DSTN: variants seen among roughly 807,000 people sequenced by gnomAD.
DSTN encodes the protein destrin, actin depolymerizing factor.
Under a neutral mutation model 16.8 loss-of-function variants are expected in DSTN, and 10 were observed. The ratio of observed to expected loss-of-function variants is 0.60; its 90% CI spans 0.37 to 1.01. The LOEUF (loss-of-function observed/expected upper bound fraction) is 1.01. Ranked by LOEUF, DSTN falls within the 50% of genes least tolerant of loss-of-function variation. The pLI, the probability that DSTN is intolerant of heterozygous loss-of-function variation, is 0.01. For synonymous variants in DSTN, 57 were observed against 58.9 expected (o/e 0.97, Z 0.14); for missense variants, 141 against 196.7 (o/e 0.72, Z 1.69).
chr20:17,596,531 A>C (rs1256245950), intron 1 of DSTN: 1 of 658,098 alleles, frequency 1.5e-6, no homozygotes, highest in Middle Eastern at 7.6e-4. Context: ...TCATTCAGCT[A>C]TATTGGTTTG....
At chr20:17,606,758 G>A (rs561951467) in intron 3 of DSTN, among the ~76,000 whole-genome samples, 4 of 152,296 alleles carry the variant, frequency 2.6e-5, no homozygotes, top group East Asian at 1.9e-4. Flanking sequence ...TTCTAACAGC[G>A]TAAGTTAGCG....
intron 3 of DSTN, among the ~76,000 whole-genome samples, chr20:17,605,449 G>A (rs1409917114): frequency 6.6e-6 from 1 of 152,200 alleles, no homozygotes; most frequent in African/African-American, 2.4e-5. Context: ...GGTCACAAGG[G>A]CTTGGCCTGA....
chr20:17,604,328 C>T (rs908391699), intron 2 of DSTN, among the ~76,000 whole-genome samples: 1 of 152,168 alleles, frequency 6.6e-6, no homozygotes, highest in African/African-American at 2.4e-5. Context: ...ACCAGTGGTT[C>T]TCTTCTTTTT....
At chr20:17,605,265 AGG>A (rs2035629510) in intron 3 of DSTN, 1 of 434,836 alleles carries the variant, frequency 2.3e-6, no homozygotes, top group Admixed American at 2.5e-5. Flanking sequence ...GCCTGCACTG[AGG>A]GCGAAGCCTG....
intron 1 of DSTN, among the ~76,000 whole-genome samples, chr20:17,577,216 C>T (rs1028123070): frequency 9.2e-5 from 14 of 152,044 alleles, no homozygotes; most frequent in African/African-American, 2.9e-4. Flanking sequence ...TGCTTGGTAC[C>T]GGAAGGTACT....
intron 3 of DSTN, 121 bp from the exon 4 acceptor site, chr20:17,606,916 G>A (rs549814142): frequency 1.8e-4 from 142 of 808,170 alleles, no homozygotes; most frequent in Non-Finnish European, 2.6e-4. Context: ...GTAGTATTCC[G>A]TGTTTGTATA....
intron 1 of DSTN, among the ~76,000 whole-genome samples, chr20:17,592,919 T>C (rs1170192900): frequency 2.6e-5 from 4 of 152,236 alleles, no homozygotes; most frequent in Admixed American, 2.0e-4. Flanking sequence ...AATTAGCCTT[T>C]TAGCTGGAGT....
intron 1 of DSTN, among the ~76,000 whole-genome samples, chr20:17,572,684 G>A (rs900192875): frequency 6.6e-6 from 1 of 152,138 alleles, no homozygotes; most frequent in Non-Finnish European, 1.5e-5. Flanking sequence ...GAAATAGGTT[G>A]GGCATGTATT....
chr20:17,601,091 A>G, intron 2 of DSTN, 46 bp downstream of exon 2: 2 of 1,527,520 alleles, frequency 1.3e-6, no homozygotes, highest in Non-Finnish European at 1.8e-6. Flanking sequence ...TCATTTTGTT[A>G]GCACTCGGGA....
At position 17,593,928 on chromosome 20, in the gene DSTN, A is replaced by T. The variant is rs76961144; in HGVS notation, c.4-6810A>T. Among the ~76,000 whole-genome samples the T allele has an allele frequency of 5.3e-5, 8 of 151,760 alleles. No homozygotes were observed. The South Asian group carries it at 6.3e-4, about 12-fold the overall frequency. On this transcript the variant is annotated intron_variant, in intron 1 of 3. Coordinates refer to ENST00000246069, the MANE Select transcript of DSTN (RefSeq NM_006870.4). ...ACCTTGTCTCTACAAAAAAAATTTTAAAAATTAGCTGGGCATGGTGGCACG... is the reference window on the plus strand; with the variant it reads ...ACCTTGTCTCTACAAAAAAAATTTTTAAAATTAGCTGGGCATGGTGGCACG...
intron 1 of DSTN, among the ~76,000 whole-genome samples, chr20:17,579,041 T>G (rs2035313784): frequency 6.6e-6 from 1 of 151,392 alleles, no homozygotes; most frequent in African/African-American, 2.4e-5. Flanking sequence ...CATTCAACCC[T>G]TATAGCAGTT....
chr20:17,591,117 C>G (rs541802839), intron 1 of DSTN, among the ~76,000 whole-genome samples: 1 of 152,100 alleles, frequency 6.6e-6, no homozygotes, highest in East Asian at 1.9e-4. Context: ...CCCTTCCCCC[C>G]CAGAAAAACC....
At chr20:17,573,728 ATTATT>A (rs1340425215) in intron 1 of DSTN, among the ~76,000 whole-genome samples, 1 of 152,056 alleles carries the variant, frequency 6.6e-6, no homozygotes, top group East Asian at 1.9e-4. Flanking sequence ...ATGGTTTCTC[ATTATT>A]TTATTTTGCA....
At chr20:17,589,720 G>A (rs2035450084) in intron 1 of DSTN, among the ~76,000 whole-genome samples, 1 of 152,166 alleles carries the variant, frequency 6.6e-6, no homozygotes, top group Non-Finnish European at 1.5e-5. Context: ...GTAGAATCGT[G>A]AACCCAGTTT....
At chr20:17,579,547 C>T (rs958868654) in intron 1 of DSTN, among the ~76,000 whole-genome samples, 3 of 152,164 alleles carry the variant, frequency 2.0e-5, no homozygotes, top group African/African-American at 7.2e-5. Context: ...TGCACCACTG[C>T]ACCTCAGCCT....
At chr20:17,600,602 CAA>C in intron 1 of DSTN, 134 bp from the exon 2 acceptor site, 1 of 1,087,326 alleles carries the variant, frequency 9.2e-7, no homozygotes, top group African/African-American at 1.6e-5. Context: ...GATTACAGCT[CAA>C]ATTTCTAGTT....
Position 17,596,113 on chromosome 20 carries a change from T to C in DSTN, c.4-4625T>C, listed in dbSNP as rs2035523462. ...TTCTCTGAAATACTGCAGAATTGGC[T>C]GTTGATGACTTTCCTCCTCAAAATA... is the stretch of plus-strand genomic sequence containing the variant. On this transcript the variant is annotated intron_variant, in intron 1 of 3. Coordinates refer to ENST00000246069, the MANE Select transcript of DSTN (RefSeq NM_006870.4). Among the ~76,000 whole-genome samples the C allele has an allele frequency of 1.3e-5, 2 of 152,364 alleles. 1 individual carries two copies. Among genetic ancestry groups the C allele is most frequent in the South Asian group, 4.1e-4 (2 of 4,830 alleles).
intron 1 of DSTN, among the ~76,000 whole-genome samples, chr20:17,577,667 TTTAAC>T (rs968753143): frequency 1.3e-5 from 2 of 152,196 alleles, no homozygotes; most frequent in African/African-American, 4.8e-5. Context: ...TGTATATACT[TTTAAC>T]TTTTCTAGTA....
intron 3 of DSTN, 134 bp downstream of exon 3, chr20:17,604,765 A>G (rs2035623526): frequency 2.5e-6 from 2 of 805,630 alleles, no homozygotes; most frequent in Non-Finnish European, 3.9e-6. Context: ...GTTTTGAGAA[A>G]AGCAGAAGAC....
Sources: allele counts gnomAD v4.1 joint callset (sites outside exome capture counted in the v4.1 genomes callset), GRCh38; gene constraint gnomAD v4.1.1; transcripts MANE v1.5; gene names NCBI Gene and HGNC (gene_info 2026-07-23, HGNC 2026-07-21).